CNTLN: variants seen among roughly 807,000 people sequenced by gnomAD.
CNTLN encodes centlein, centrosomal protein.
A neutral mutation model predicts 180.0 loss-of-function variants in CNTLN; 212 were observed. The ratio of observed to expected loss-of-function variants is 1.18; its 90% confidence interval spans 1.05 to 1.32. CNTLN has a LOEUF of 1.32. Ranked by LOEUF, CNTLN falls within the 40% of genes most tolerant of loss-of-function variation. The pLI is 0.00. For missense variants in CNTLN, 2,095 were observed against 1,610.9 expected (o/e 1.30, Z -5.14); for synonymous variants, 722 against 563.1 (o/e 1.28, Z -3.99).
At chr9:17,225,100 C>G (rs1824380965) in intron 2 of CNTLN, among the ~76,000 whole-genome samples, 1 of 151,920 alleles carries the variant, frequency 6.6e-6, no homozygotes, top group East Asian at 1.9e-4. Flanking sequence ...GCCTCAGTTG[C>G]AGGGTGTTTT....
intron 14 of CNTLN, among the ~76,000 whole-genome samples, chr9:17,393,270 G>A (rs1826248849): frequency 6.6e-6 from 1 of 152,024 alleles, no homozygotes; most frequent in Non-Finnish European, 1.5e-5. Flanking sequence ...CTAGTGAACA[G>A]GTTTCAACAT....
At chr9:17,347,672 T>TGA (rs1385063902) in intron 12 of CNTLN, among the ~76,000 whole-genome samples, 1 of 21,362 alleles carries the variant, frequency 4.7e-5, no homozygotes, top group East Asian at 1.2e-3. Context: ...GACTCTTGTC[T>TGA]CAAAAAAAAA....
At chr9:17,445,778 G>A (rs968813899) in intron 18 of CNTLN, among the ~76,000 whole-genome samples, 21 of 152,048 alleles carry the variant, frequency 1.4e-4, no homozygotes, top group African/African-American at 2.2e-4. Flanking sequence ...CCCGACACCC[G>A]TAAAGGGTCT....
chr9:17,498,647 C>A (rs1833583271), intron 25 of CNTLN, among the ~76,000 whole-genome samples: 2 of 152,144 alleles, frequency 1.3e-5, no homozygotes, highest in African/African-American at 4.8e-5. Flanking sequence ...TCTCTTTATG[C>A]TAAAGAGTTC....
chr9:17,442,192 A>T (rs553497597), intron 18 of CNTLN, among the ~76,000 whole-genome samples: 2 of 152,174 alleles, frequency 1.3e-5, no homozygotes, highest in Non-Finnish European at 2.9e-5. Context: ...TGTAGAGAAT[A>T]CTCTACCCAA....
At chr9:17,191,567 T>G (rs533322189) in intron 2 of CNTLN, among the ~76,000 whole-genome samples, 1 of 152,318 alleles carries the variant, frequency 6.6e-6, no homozygotes, top group African/African-American at 2.4e-5. Context: ...AATTTCTGTA[T>G]TTTGGAATAG....
intron 15 of CNTLN, among the ~76,000 whole-genome samples, chr9:17,398,986 G>T (rs957830983): frequency 6.6e-6 from 1 of 152,142 alleles, no homozygotes; most frequent in Non-Finnish European, 1.5e-5. Context: ...AATGAGCCTG[G>T]AGGTAGCACC....
At chr9:17,409,177 A>G (rs1827645296) in intron 15 of CNTLN, 116 bp from the exon 16 acceptor site, 1 of 883,790 alleles carries the variant, frequency 1.1e-6, no homozygotes, top group Non-Finnish European at 1.8e-6. Flanking sequence ...TGCCCACGTT[A>G]AACTTGCAGT....
chr9:17,455,950 T>C (rs1373718150), intron 18 of CNTLN, among the ~76,000 whole-genome samples: 3 of 152,154 alleles, frequency 2.0e-5, no homozygotes, highest in African/African-American at 2.4e-5. Context: ...ATGAAGGGCT[T>C]TGATTAAGGG....
intron 5 of CNTLN, among the ~76,000 whole-genome samples, chr9:17,259,512 C>G (rs1043722442): frequency 2.0e-5 from 3 of 149,810 alleles, no homozygotes; most frequent in African/African-American, 7.6e-5. Context: ...GGAGGATTCC[C>G]TCTTTTTCTA....
chr9:17,415,729 A>T, intron 16 of CNTLN, 59 bp from the exon 17 acceptor site: 2 of 1,005,824 alleles, frequency 2.0e-6, no homozygotes, highest in Non-Finnish European at 3.1e-6. Context: ...TATTTATATC[A>T]GTTCACTTGA....
At chr9:17,349,193 G>T (rs1176492624) in intron 12 of CNTLN, among the ~76,000 whole-genome samples, 5 of 151,944 alleles carry the variant, frequency 3.3e-5, no homozygotes, top group African/African-American at 1.2e-4. Context: ...GTTTTATTAT[G>T]TTCTGGGTTT....
chr9:17,475,043 T>G (rs1408028934), intron 23 of CNTLN, among the ~76,000 whole-genome samples: 1 of 152,268 alleles, frequency 6.6e-6, no homozygotes, highest in South Asian at 2.1e-4. Flanking sequence ...TATTCCACTT[T>G]AGCCTTTCTT....
chr9:17,492,637 A>G (rs1049570994), intron 25 of CNTLN, among the ~76,000 whole-genome samples: 3 of 152,176 alleles, frequency 2.0e-5, no homozygotes, highest in African/African-American at 7.2e-5. Context: ...GTTGCTAATG[A>G]TAATGTAAAA....
the CNTLN span, among the ~76,000 whole-genome samples, chr9:17,527,798 G>A: frequency 1.3e-5 from 2 of 152,088 alleles, no homozygotes; most frequent in Non-Finnish European, 2.9e-5. Flanking sequence ...TGAGCCTGGA[G>A]TGTTGTGTAG....
At chr9:17,258,253 G>T (rs1189145893) in intron 5 of CNTLN, among the ~76,000 whole-genome samples, 1 of 146,448 alleles carries the variant, frequency 6.8e-6, no homozygotes, top group African/African-American at 2.6e-5. Context: ...CCCATTGCTT[G>T]TTTTTCTCAG....
intron 12 of CNTLN, among the ~76,000 whole-genome samples, chr9:17,359,345 A>G (rs1823109163): frequency 6.6e-6 from 1 of 152,060 alleles, no homozygotes; most frequent in Non-Finnish European, 1.5e-5. Flanking sequence ...CATAAAAAGC[A>G]CTAAATAGAA....
In CNTLN at chr9:17,503,411, C is replaced by T. The variant is rs1833850070; in HGVS notation, c.*759C>T. The T allele has an allele frequency of 6.6e-6, 1 of 152,126 alleles. No individual in the cohort carries two copies. The highest frequency in any genetic ancestry group is 1.5e-5 in the Non-Finnish European group (1 of 68,044). 9.4% of individuals were successfully genotyped at this position (152,126 alleles called of 1,614,324 possible). A position where few individuals can be genotyped will look rare whatever the true frequency, so the allele number is the denominator to read the frequency against. On this transcript the variant is annotated 3_prime_UTR_variant, in exon 26 of 26. Transcript: ENST00000380647. Reference sequence around the variant, plus strand: ...TGTCATCCTTATTTAGATTCCTGGACATTCCCACCTCATTTCACCTCTTCA... The same window carrying T: ...TGTCATCCTTATTTAGATTCCTGGATATTCCCACCTCATTTCACCTCTTCA...
chr9:17,273,053 TAATG>T (rs1285381191), intron 5 of CNTLN, among the ~76,000 whole-genome samples: 1 of 152,178 alleles, frequency 6.6e-6, no homozygotes, highest in African/African-American at 2.4e-5. Context: ...TGTTTGGAAA[TAATG>T]AATGTATGGT....
Sources: gnomAD v4.1 joint callset for allele counts (sites outside exome capture counted in the v4.1 genomes callset) on GRCh38, gnomAD v4.1.1 for gene constraint, MANE v1.5 for transcripts, NCBI Gene and HGNC (gene_info 2026-07-23, HGNC 2026-07-21) for gene names.